The following NUDT3 variants were observed in gnomAD, a reference collection of about 807,000 sequenced individuals.
The protein encoded by NUDT3 is diphosphoinositol polyphosphate phosphohydrolase 1.
Under a neutral mutation model 23.6 loss-of-function variants are expected in NUDT3, and 9 were observed. That is an observed-to-expected ratio of 0.38 (90% CI 0.23 to 0.66). NUDT3 has a LOEUF of 0.66. Ranked by LOEUF, NUDT3 falls within the 30% of genes least tolerant of loss-of-function variation. NUDT3 has a pLI of 0.52. For missense variants in NUDT3, 172 were observed against 218.5 expected, an observed-to-expected ratio of 0.79 and a Z score of 1.34; for synonymous variants, 86 against 82.6, an observed-to-expected ratio of 1.04 and a Z score of -0.22.
At chr6:34,308,343 C>T (rs552424758) in intron 2 of NUDT3, among the ~76,000 whole-genome samples, 1 of 151,048 alleles carries the variant, frequency 6.6e-6, no homozygotes, top group East Asian at 1.9e-4. Context: ...TACATGTAAT[C>T]ACAGCTACTC....
At chr6:34,322,476 A>G (rs538097994) in intron 2 of NUDT3, among the ~76,000 whole-genome samples, 25 of 152,182 alleles carry the variant, frequency 1.6e-4, no homozygotes, top group East Asian at 9.7e-4. Flanking sequence ...TGATCCGCCC[A>G]CCTTGGCCTC....
chr6:34,344,308 T>C (rs1050473070), intron 1 of NUDT3, among the ~76,000 whole-genome samples: 1 of 151,662 alleles, frequency 6.6e-6, no homozygotes, highest in Non-Finnish European at 1.5e-5. Flanking sequence ...CCAATAAGAG[T>C]GAATGAATAA....
At chr6:34,322,294 G>A (rs546290416) in intron 2 of NUDT3, among the ~76,000 whole-genome samples, 1 of 151,578 alleles carries the variant, frequency 6.6e-6, no homozygotes, top group Non-Finnish European at 1.5e-5. Flanking sequence ...GCAGTGGCAC[G>A]ATTTCAGCTC....
At chr6:34,370,351 C>T (rs903026566) in intron 1 of NUDT3, among the ~76,000 whole-genome samples, 1 of 152,208 alleles carries the variant, frequency 6.6e-6, no homozygotes, top group Admixed American at 6.5e-5. Flanking sequence ...TATCTTTGCA[C>T]TCTCCCATTC....
intron 2 of NUDT3, among the ~76,000 whole-genome samples, chr6:34,304,064 C>A (rs1456300088): frequency 6.6e-6 from 1 of 151,952 alleles, no homozygotes; most frequent in Non-Finnish European, 1.5e-5. Flanking sequence ...AGTAGCCTGG[C>A]CAACATGGTG....
chr6:34,350,886 T>C (rs1057261580), intron 1 of NUDT3, among the ~76,000 whole-genome samples: 2 of 150,556 alleles, frequency 1.3e-5, no homozygotes, highest in African/African-American at 2.5e-5. Flanking sequence ...TATGAACAGA[T>C]ATTCTGACAG....
intron 1 of NUDT3, among the ~76,000 whole-genome samples, chr6:34,348,825 G>C (rs966543093): frequency 6.6e-6 from 1 of 150,874 alleles, no homozygotes; most frequent in Non-Finnish European, 1.5e-5. Flanking sequence ...TGGGGAGTAG[G>C]GGATGCATCA....
chr6:34,347,973 CAAAAAAATAAAT>C (rs1764404625), intron 1 of NUDT3, among the ~76,000 whole-genome samples: 1 of 149,528 alleles, frequency 6.7e-6, no homozygotes, highest in African/African-American at 2.5e-5. Flanking sequence ...CCATGTCTAC[CAAAAAAATAAAT>C]AAATAAATAA....
At chr6:34,365,787 T>C (rs1764718259) in intron 1 of NUDT3, among the ~76,000 whole-genome samples, 1 of 151,688 alleles carries the variant, frequency 6.6e-6, no homozygotes, top group Non-Finnish European at 1.5e-5. Context: ...CACGCCTGTA[T>C]TCCCAGCACT....
intron 2 of NUDT3, among the ~76,000 whole-genome samples, chr6:34,338,295 C>T (rs1398150469): frequency 1.3e-5 from 2 of 152,196 alleles, no homozygotes; most frequent in Non-Finnish European, 1.5e-5. Context: ...TCCCCAAAGT[C>T]CCTCCAAAAT....
chr6:34,292,128 C>A (rs1329505536), intron 4 of NUDT3, among the ~76,000 whole-genome samples: 1 of 152,112 alleles, frequency 6.6e-6, no homozygotes, highest in East Asian at 1.9e-4. Context: ...AGGGCCACAC[C>A]ACACATCCAC....
At chr6:34,319,326 A>G (rs1037012763) in intron 2 of NUDT3, among the ~76,000 whole-genome samples, 2 of 152,198 alleles carry the variant, frequency 1.3e-5, no homozygotes, top group African/African-American at 4.8e-5. Flanking sequence ...TCACAAGTCC[A>G]GGCCTCTAGA....
chr6:34,291,395 T>C (rs1763419897), intron 4 of NUDT3, among the ~76,000 whole-genome samples: 1 of 152,194 alleles, frequency 6.6e-6, no homozygotes, highest in African/African-American at 2.4e-5. Flanking sequence ...TCCTGATTTA[T>C]ACTGCAAAAG....
At chr6:34,346,986 C>G (rs926933245) in intron 1 of NUDT3, among the ~76,000 whole-genome samples, 1 of 152,158 alleles carries the variant, frequency 6.6e-6, no homozygotes, top group East Asian at 1.9e-4. Flanking sequence ...CCAGGTTGGT[C>G]TTGAACTCCT....
At chr6:34,293,558 T>G in intron 3 of NUDT3, 23 bp from the exon 4 acceptor site, 1 of 1,613,810 alleles carries the variant, frequency 6.2e-7, no homozygotes, top group Non-Finnish European at 8.5e-7. Flanking sequence ...GAGAGAAGGA[T>G]AGAGAGAGTT....
intron 4 of NUDT3, 38 bp downstream of exon 4, chr6:34,293,413 G>A (rs2113693802): frequency 1.2e-6 from 2 of 1,612,040 alleles, no homozygotes; most frequent in Middle Eastern, 1.7e-4. Flanking sequence ...AGGGCTGGTT[G>A]TGAGGAACCC....
intron 2 of NUDT3, among the ~76,000 whole-genome samples, chr6:34,307,944 C>T (rs1763706287): frequency 6.6e-6 from 1 of 151,282 alleles, no homozygotes; most frequent in African/African-American, 2.4e-5. Context: ...CATGGTGAAA[C>T]CCCATCTCTC....
chr6:34,323,821 T>C (rs556301560), intron 2 of NUDT3, among the ~76,000 whole-genome samples: 47 of 152,366 alleles, frequency 3.1e-4, no homozygotes, highest in African/African-American at 9.1e-4. Context: ...TATTTTTGAA[T>C]TTTTCTTGTA....
intron 2 of NUDT3, among the ~76,000 whole-genome samples, chr6:34,338,107 C>T (rs1367504067): frequency 6.6e-6 from 1 of 152,208 alleles, no homozygotes; most frequent in Non-Finnish European, 1.5e-5. Flanking sequence ...TCATACCTGC[C>T]CTTCAGGGTG....
Sources: gnomAD v4.1 joint callset for allele counts (sites outside exome capture counted in the v4.1 genomes callset) on GRCh38, gnomAD v4.1.1 for gene constraint, MANE v1.5 for transcripts, NCBI Gene and HGNC (gene_info 2026-07-23, HGNC 2026-07-21) for gene names.